UNC80: variants seen among roughly 807,000 people sequenced by gnomAD.
The protein encoded by UNC80 is protein unc-80 homolog.
In UNC80, 164 loss-of-function variants were observed where a neutral mutation model predicts 384.6. The ratio of observed to expected loss-of-function variants is 0.43; its 90% CI spans 0.38 to 0.49. The LOEUF (loss-of-function observed/expected upper bound fraction) is 0.49, where lower values mean the gene tolerates loss of function less well. Among genes scored for constraint, UNC80 ranks in the 20% least tolerant of loss-of-function variants. UNC80 has a pLI of 0.00. For synonymous variants in UNC80, 1,486 were observed against 1,527.8 expected (o/e 0.97, Z 0.64); for missense variants, 3,330 against 4,143.0 (o/e 0.80, Z 5.39).
chr2:209,910,419 T>C (rs2088786548), intron 29 of UNC80, among the ~76,000 whole-genome samples: 1 of 151,964 alleles, frequency 6.6e-6, no homozygotes, highest in African/African-American at 2.4e-5. Context: ...CTGTGATATC[T>C]ATCTTCTAAT....
At chr2:209,869,754 A>G (rs2084140242) in intron 22 of UNC80, among the ~76,000 whole-genome samples, 1 of 152,066 alleles carries the variant, frequency 6.6e-6, no homozygotes, top group Non-Finnish European at 1.5e-5. Context: ...CCTCCCCCTT[A>G]TGTTTTACCA....
chr2:209,853,639 AAAAAG>A (rs2082687888), intron 22 of UNC80, among the ~76,000 whole-genome samples: 2 of 152,110 alleles, frequency 1.3e-5, no homozygotes, highest in Non-Finnish European at 2.9e-5. Context: ...GTACAAAACT[AAAAAG>A]AAAATAAAAA....
At position 209,993,411 on chromosome 2, in the gene UNC80, A is replaced by G. The variant is rs748913321; in HGVS notation, c.9493A>G (p.Lys3165Glu). 2 of 1,551,558 alleles carry G rather than the reference A, an allele frequency of 1.3e-6. No individual in the cohort carries two copies. Among genetic ancestry groups the G allele is most frequent in the East Asian group, 4.9e-5 (2 of 40,924 alleles). Residue 3165 changes from lysine to glutamate, a missense_variant, in exon 63 of 65, where the codon AAA (lysine) becomes GAA (glutamate). Transcript: ENST00000673920. The stretch of plus-strand genomic sequence containing the variant: ...AACCACTCGCAGGAGCATTCAACCT[A>G]AAACGAAGCCGTCTGGTGAGGCCTC... The part of the protein sequence containing the change: ...LSTTRRSIQP[K>E]TKPSADQKRS...
intron 51 of UNC80, among the ~76,000 whole-genome samples, chr2:209,961,790 C>T (rs1399628780): frequency 6.6e-6 from 1 of 152,170 alleles, no homozygotes; most frequent in Admixed American, 6.6e-5. Context: ...ATTTCCCCTT[C>T]ACTCTCTGAA....
intron 9 of UNC80, 147 bp from the exon 10 acceptor site, chr2:209,816,762 T>TTTTGGGAGATA (rs2079769149): frequency 1.4e-6 from 1 of 703,764 alleles, no homozygotes; most frequent in Admixed American, 2.9e-5. Context: ...TTTCTCCCAT[T>TTTTGGGAGATA]TTTATTGGAT....
chr2:209,927,012 C>A, intron 36 of UNC80, 26 bp downstream of exon 36: 1 of 1,549,944 alleles, frequency 6.5e-7, no homozygotes, highest in South Asian at 1.2e-5. Flanking sequence ...GTCAGATCAT[C>A]AGTGACATTC....
At chr2:209,974,452 G>T (rs1355530932) in intron 56 of UNC80, among the ~76,000 whole-genome samples, 2 of 152,192 alleles carry the variant, frequency 1.3e-5, no homozygotes, top group Non-Finnish European at 2.9e-5. Flanking sequence ...TGTACAGGAA[G>T]GATATGAGAA....
chr2:209,781,925 C>T (rs1466629807), intron 4 of UNC80, among the ~76,000 whole-genome samples: 1 of 152,196 alleles, frequency 6.6e-6, no homozygotes, highest in Non-Finnish European at 1.5e-5. Context: ...CACAAAAACT[C>T]AAACTACCTT....
At position 209,817,072 on chromosome 2, in the gene UNC80, T is replaced by G; in HGVS notation, c.1499T>G (p.Leu500Arg). Reference sequence around the variant, plus strand: ...TTCTCCTTTGGAAGTTTCTCTGGGCTGGGAGAAGACAGGCGAGGAATTGAG... The same window carrying G: ...TTCTCCTTTGGAAGTTTCTCTGGGCGGGGAGAAGACAGGCGAGGAATTGAG... ...STFSFGSFSG[L>R]GEDRRGIEKG... Residue 500 changes from leucine (L) to arginine (R), a missense_variant, in exon 10 of 65, where the codon CTG becomes CGG. Transcript: ENST00000673920. 6.4e-7 allele frequency: 1 copy of G among 1,551,788 alleles called. No homozygotes were observed. Among genetic ancestry groups the G allele is most frequent in the Non-Finnish European group, 8.7e-7 (1 of 1,147,022 alleles).
Position 209,777,445 on chromosome 2 carries a change from C to T in UNC80, c.486C>T (p.Cys162=). 6.2e-7 allele frequency: 1 copy of T among 1,614,144 alleles called. No individual in the cohort carries two copies. The stretch of plus-strand genomic sequence containing the variant: ...ACCAGGGTTCTCCAGGGCAGCCTTG[C>T]CAAAGCAGCTCTAATGACGAAGAAG... ...VENQGSPGQP[C]QSSSNDEEEN... is the part of the protein sequence containing the mutation. Residue 162 remains cysteine (C), a synonymous_variant, in exon 4 of 65, where the codon TGC becomes TGT. Transcript: ENST00000673920.
At chr2:209,868,628 A>C (rs1322715831) in intron 22 of UNC80, among the ~76,000 whole-genome samples, 1 of 152,192 alleles carries the variant, frequency 6.6e-6, no homozygotes, top group African/African-American at 2.4e-5. Flanking sequence ...ATGGCAAAGA[A>C]GTCAAGGAAA....
At chr2:209,874,064 T>C (rs2084550914) in intron 23 of UNC80, among the ~76,000 whole-genome samples, 1 of 152,172 alleles carries the variant, frequency 6.6e-6, no homozygotes, top group Non-Finnish European at 1.5e-5. Flanking sequence ...GCACTGCCCT[T>C]TTCAGGCTTC....
chr2:209,858,597 G>A (rs888109597), intron 22 of UNC80, among the ~76,000 whole-genome samples: 1 of 151,528 alleles, frequency 6.6e-6, no homozygotes, highest in South Asian at 2.1e-4. Flanking sequence ...GGGAGGCAGA[G>A]GCACAAGAAT....
intron 44 of UNC80, among the ~76,000 whole-genome samples, chr2:209,942,236 C>T (rs1482554543): frequency 1.3e-5 from 2 of 152,114 alleles, no homozygotes; most frequent in Admixed American, 6.5e-5. Flanking sequence ...AACCATCCCC[C>T]GCACTCACCC....
At chr2:209,819,767 A>G (rs6735695) in intron 12 of UNC80, among the ~76,000 whole-genome samples, 15,680 of 152,206 alleles carry the variant, frequency 0.1, 2,051 homozygotes, top group African/African-American at 0.29. Context: ...ATTTTATTGC[A>G]CATTAGGAAT....
intron 5 of UNC80, among the ~76,000 whole-genome samples, chr2:209,788,898 A>G (rs1182048455): frequency 6.6e-6 from 1 of 152,178 alleles, no homozygotes; most frequent in African/African-American, 2.4e-5. Flanking sequence ...CATTCCTGCA[A>G]GCTCCATTCA....
chr2:209,782,524 T>C, intron 4 of UNC80, among the ~76,000 whole-genome samples: 1 of 152,256 alleles, frequency 6.6e-6, no homozygotes, highest in East Asian at 1.9e-4. Context: ...CATCCCTTTA[T>C]GTGGCTTTCT....
intron 7 of UNC80, among the ~76,000 whole-genome samples, chr2:209,810,451 C>G (rs2079257066): frequency 6.6e-6 from 1 of 152,124 alleles, no homozygotes; most frequent in South Asian, 2.1e-4. Flanking sequence ...CAAGGAGTAC[C>G]TGAGAATGTT....
At chr2:209,810,554 C>G (rs1415335990) in intron 7 of UNC80, among the ~76,000 whole-genome samples, 1 of 152,040 alleles carries the variant, frequency 6.6e-6, no homozygotes, top group Non-Finnish European at 1.5e-5. Flanking sequence ...AACAACCTCC[C>G]TCCTTCGTAT....
Sources: gnomAD v4.1 joint callset for allele counts (sites outside exome capture counted in the v4.1 genomes callset) on GRCh38, gnomAD v4.1.1 for gene constraint, MANE v1.5 for transcripts, NCBI Gene and HGNC (gene_info 2026-07-23, HGNC 2026-07-21) for gene names.